SH3PXD2B: variants seen among roughly 807,000 people sequenced by gnomAD.
SH3PXD2B encodes the protein SH3 and PX domains 2B.
In SH3PXD2B, 37 loss-of-function variants were observed where a neutral mutation model predicts 73.1. The ratio of observed to expected loss-of-function variants is 0.51; its 90% CI spans 0.39 to 0.67. The LOEUF (loss-of-function observed/expected upper bound fraction) is 0.67, where lower values mean the gene tolerates loss of function less well. SH3PXD2B is among the 30% of genes least tolerant of loss of function. SH3PXD2B has a pLI of 0.00. For missense variants in SH3PXD2B, 1,053 were observed against 1,197.8 expected, an observed-to-expected ratio of 0.88 and a Z score of 1.78; for synonymous variants, 457 against 480.5, an observed-to-expected ratio of 0.95 and a Z score of 0.64.
At position 172,389,203 on chromosome 5, in the gene SH3PXD2B, C is replaced by T. The variant is rs542909830; in HGVS notation, c.309+5360G>A. On this transcript the variant is annotated intron_variant, in intron 4 of 12. Coordinates refer to ENST00000311601, the MANE Select transcript of SH3PXD2B (RefSeq NM_001017995.3). ...CCTGAGTAGCTGGGATTACAGGTGC[C>T]GACCACCACACCTGGATAATTTTTA... 8.6e-5 allele frequency among the ~76,000 whole-genome samples: 13 copies of T among 151,710 alleles called. No individual in the cohort carries two copies. In the East Asian group the frequency reaches 2.3e-3, roughly 27 times the overall value.
intron 2 of SH3PXD2B, among the ~76,000 whole-genome samples, chr5:172,408,040 T>G (rs1388154705): frequency 1.3e-5 from 2 of 152,080 alleles, no homozygotes; most frequent in East Asian, 3.9e-4. Flanking sequence ...TTGGTGCTGT[T>G]CTACACGATG....
chr5:172,358,660 G>T, intron 8 of SH3PXD2B, 113 bp downstream of exon 8: 3 of 976,120 alleles, frequency 3.1e-6, no homozygotes, highest in Non-Finnish European at 4.8e-6. Flanking sequence ...CCAGTGAGCT[G>T]CTGAGACGCA....
intron 3 of SH3PXD2B, among the ~76,000 whole-genome samples, chr5:172,398,250 C>T (rs563624965): frequency 6.6e-6 from 1 of 152,344 alleles, no homozygotes; most frequent in Admixed American, 6.5e-5. Flanking sequence ...ATTGGCCTCT[C>T]ATAGTTATTG....
At position 172,336,194 on chromosome 5, in the gene SH3PXD2B, C is replaced by A; in HGVS notation, c.*2175G>T. On this transcript the variant is annotated 3_prime_UTR_variant, in exon 13 of 13. Coordinates refer to ENST00000311601, the MANE Select transcript of SH3PXD2B (RefSeq NM_001017995.3). ...CGTCGCTGAAAGGCAAAGAGCAAAT[C>A]AGAAAAAAACATGTGTTTTGTCTTT... 1 of 985,568 alleles carries A rather than the reference C, an allele frequency of 1.0e-6. No individual in the cohort carries two copies. The highest frequency in any genetic ancestry group is 1.2e-6 in the Non-Finnish European group (1 of 830,030). 61.1% of individuals were successfully genotyped at this position (985,568 alleles called of 1,614,324 possible).
chr5:172,361,408 T>G (rs1418117186), intron 7 of SH3PXD2B, among the ~76,000 whole-genome samples: 1 of 152,182 alleles, frequency 6.6e-6, no homozygotes, highest in African/African-American at 2.4e-5. Flanking sequence ...ATGTCATCAG[T>G]GTGTTGGCTA....
At chr5:172,381,348 T>C (rs1757940608) in intron 5 of SH3PXD2B, among the ~76,000 whole-genome samples, 1 of 152,142 alleles carries the variant, frequency 6.6e-6, no homozygotes. Flanking sequence ...TGATCTCTTT[T>C]CCCCACTGCT....
downstream of SH3PXD2B, among the ~76,000 whole-genome samples, chr5:172,333,019 T>C (rs1208004512): frequency 6.7e-6 from 1 of 149,808 alleles, no homozygotes; most frequent in East Asian, 2.0e-4. Context: ...CACTGCAACC[T>C]CCGCCTCCCG....
At chr5:172,333,264 G>A (rs1031809445), downstream of SH3PXD2B, among the ~76,000 whole-genome samples, 1 of 152,082 alleles carries the variant, frequency 6.6e-6, no homozygotes, top group African/African-American at 2.4e-5. Context: ...CCATCAGGAG[G>A]CAATGCCGGC....
At chr5:172,376,855 G>A (rs1345730975) in intron 5 of SH3PXD2B, among the ~76,000 whole-genome samples, 1 of 152,190 alleles carries the variant, frequency 6.6e-6, no homozygotes, top group African/African-American at 2.4e-5. Context: ...GCCCAGAGAG[G>A]TGAGGTACCA....
intron 3 of SH3PXD2B, among the ~76,000 whole-genome samples, chr5:172,398,783 C>G (rs1758363840): frequency 6.6e-6 from 1 of 152,156 alleles, no homozygotes. Context: ...TTTTCTACAC[C>G]ATGGGGAGAT....
intron 8 of SH3PXD2B, among the ~76,000 whole-genome samples, chr5:172,357,419 G>C (rs1481185464): frequency 6.6e-6 from 1 of 150,474 alleles, no homozygotes. Context: ...GCAAGACTCT[G>C]TCTCAAAAAA....
chr5:172,397,505 A>G (rs1329072235), intron 3 of SH3PXD2B, among the ~76,000 whole-genome samples: 1 of 152,170 alleles, frequency 6.6e-6, no homozygotes, highest in Non-Finnish European at 1.5e-5. Flanking sequence ...CTGGTTTTGC[A>G]GCTTGGGGGG....
chr5:172,362,977 G>T, intron 6 of SH3PXD2B, 108 bp from the exon 7 acceptor site: 1 of 1,412,456 alleles, frequency 7.1e-7, no homozygotes, highest in Non-Finnish European at 9.9e-7. Context: ...AAAAGCAGCA[G>T]TTACAGGACT....
intron 1 of SH3PXD2B, among the ~76,000 whole-genome samples, chr5:172,423,551 G>GT (rs1366977796): frequency 2.7e-5 from 4 of 147,978 alleles, no homozygotes; most frequent in Non-Finnish European, 6.0e-5. Flanking sequence ...GGGTTGGGGG[G>GT]GGGGGCGCAC....
intron 1 of SH3PXD2B, among the ~76,000 whole-genome samples, chr5:172,422,991 T>A (rs1330451566): frequency 6.6e-6 from 1 of 152,192 alleles, no homozygotes; most frequent in Non-Finnish European, 1.5e-5. Flanking sequence ...CTCCTGTGAA[T>A]GGGGCTAACA....
At chr5:172,366,742 C>G (rs1051273888) in intron 6 of SH3PXD2B, among the ~76,000 whole-genome samples, 2 of 151,916 alleles carry the variant, frequency 1.3e-5, no homozygotes, top group Non-Finnish European at 2.9e-5. Flanking sequence ...AAGTGATTCT[C>G]CTGCCTCAGC....
At position 172,335,756 on chromosome 5, in the gene SH3PXD2B, A is replaced by C. The variant is rs898234025; in HGVS notation, c.*2613T>G. On this transcript the variant is annotated 3_prime_UTR_variant, in exon 13 of 13. Coordinates refer to ENST00000311601, the MANE Select transcript of SH3PXD2B (RefSeq NM_001017995.3). The stretch of plus-strand genomic sequence containing the variant: ...AAGTCCCCAGGCAAGGACAGCTAGG[A>C]GAGTGACTGGCCACCCTGACCCACC... 24 of 1,231,062 alleles carry C rather than the reference A, an allele frequency of 1.9e-5. No homozygotes were observed. In the Admixed American group the frequency reaches 9.3e-4, roughly 48 times the overall value. The allele number at this position is 1,231,062 out of a possible 1,614,324, so 76.3% of individuals were successfully genotyped here. A position where few individuals can be genotyped will look rare whatever the true frequency, so the allele number is the denominator to read the frequency against.
rs1044435874 is a variant in SH3PXD2B at position 172,357,609 on chromosome 5, G to T, written c.667+1164C>A. ...GAGTGCCTGACAGAGGCGCTCTCAC[G>T]GTGGTCATCATTCACCGTCTCAAGG... is the stretch of plus-strand genomic sequence containing the variant. On this transcript the variant is annotated intron_variant, in intron 8 of 12. Coordinates refer to ENST00000311601, the MANE Select transcript of SH3PXD2B (RefSeq NM_001017995.3). Among the ~76,000 whole-genome samples, 4 of 152,038 alleles carry T rather than the reference G, an allele frequency of 2.6e-5. 1 individual carries two copies. Among genetic ancestry groups the T allele is most frequent in the African/African-American group, 9.7e-5 (4 of 41,378 alleles).
In SH3PXD2B at chr5:172,353,484, T is replaced by A. The variant is rs1757202896; in HGVS notation, c.785+404A>T. 6.6e-6 allele frequency among the ~76,000 whole-genome samples: 1 copy of A among 152,194 alleles called. No homozygotes were observed. The highest frequency in any genetic ancestry group is 6.5e-5 in the Admixed American group (1 of 15,282). ...TGGACTTTGAGAGACGAGGGCAGAT[T>A]ATCAGCCTAGGACGAATTACAGTCC... On this transcript the variant is annotated intron_variant, in intron 9 of 12. Coordinates refer to ENST00000311601, the MANE Select transcript of SH3PXD2B (RefSeq NM_001017995.3). This position sits in a 1 kb window ranked among gnomAD's most constrained non-coding sequence, Gnocchi z 4.3.
Sources: allele counts gnomAD v4.1 joint callset (sites outside exome capture counted in the v4.1 genomes callset), GRCh38; gene constraint gnomAD v4.1.1; non-coding constraint Gnocchi (gnomAD v3.1); transcripts MANE v1.5; gene names NCBI Gene and HGNC (gene_info 2026-07-23, HGNC 2026-07-21).